GTF2A2: variants seen among roughly 807,000 people sequenced by gnomAD.
GTF2A2 encodes the protein transcription initiation factor IIA subunit 2.
GTF2A2 carries 9 observed loss-of-function variants against 14.3 expected under a neutral mutation model. The observed-to-expected ratio is 0.63, with a 90% confidence interval of 0.38 to 1.10. The LOEUF (loss-of-function observed/expected upper bound fraction) is 1.10, where lower values mean the gene tolerates loss of function less well. GTF2A2 is among the 50% of genes least tolerant of loss of function. The probability of loss-of-function intolerance (pLI) is 0.01; values close to 1 mark genes in which losing one functional copy is unlikely to be tolerated. For missense variants in GTF2A2, 90 were observed against 124.6 expected, an observed-to-expected ratio of 0.72 and a Z score of 1.32; for synonymous variants, 56 against 46.0, an observed-to-expected ratio of 1.22 and a Z score of -0.88.
At chr15:59,642,072 T>C in intron 4 of GTF2A2, 64 bp downstream of exon 4, 1 of 1,459,788 alleles carries the variant, frequency 6.9e-7, no homozygotes, top group South Asian at 1.3e-5. Flanking sequence ...TGGATGCAGA[T>C]CTTCTAAAGG....
At chr15:59,644,858 G>C (rs1891550619) in intron 3 of GTF2A2, among the ~76,000 whole-genome samples, 1 of 152,164 alleles carries the variant, frequency 6.6e-6, no homozygotes, top group Non-Finnish European at 1.5e-5. Flanking sequence ...TAACGGTACT[G>C]GGAAGTCAGT....
In GTF2A2 at chr15:59,639,083, A is replaced by G. The variant is rs1217114483; in HGVS notation, c.*49T>C. 2.8e-6 allele frequency: 3 copies of G among 1,083,794 alleles called. No individual in the cohort carries two copies. In the South Asian group the frequency reaches 3.8e-5, roughly 14 times the overall value. 67.1% of individuals were successfully genotyped at this position (1,083,794 alleles called of 1,614,324 possible). A position where few individuals can be genotyped will look rare whatever the true frequency, so the allele number is the denominator to read the frequency against. ...AAAGTCTCTTCTATGCTTCTCTTCA[A>G]AAGCAATGAATAACAGAAGATGGTG... On this transcript the variant is annotated 3_prime_UTR_variant, in exon 5 of 5. Transcript: ENST00000396060.
chr15:59,650,759 G>C lies in GTF2A2; in HGVS notation c.87C>G (p.Thr29=), dbSNP rs558190248. ...LDELIQSQQI[T]PQLALQVLLQ... ...GTAGAACTTGAAGGGCAAGTTGGGG[G>C]GTGATCTGTTGAGACTGAGAAAAGG... Residue 29 remains threonine (T), a synonymous_variant, in exon 3 of 5, where the codon ACC becomes ACG. Coordinates refer to ENST00000396060, the MANE Select transcript of GTF2A2 (RefSeq NM_004492.3). 1 of 1,599,778 alleles carries C rather than the reference G, an allele frequency of 6.3e-7. No homozygotes were observed. The highest frequency in any genetic ancestry group is 1.7e-5 in the Admixed American group (1 of 59,988).
At position 59,639,813 on chromosome 15, in the gene GTF2A2, C is replaced by T. The variant is rs964402824; in HGVS notation, c.305-656G>A. On this transcript the variant is annotated intron_variant, in intron 4 of 4. Transcript: ENST00000396060. Reference sequence around the variant, plus strand: ...TTGCCCAGGCTGGAGTGCAGTAGCGCAATCTCAGCTCACTGCAATCTCCAC... The same window carrying T: ...TTGCCCAGGCTGGAGTGCAGTAGCGTAATCTCAGCTCACTGCAATCTCCAC... Among the ~76,000 whole-genome samples, 3 of 152,056 alleles carry T rather than the reference C, an allele frequency of 2.0e-5. No homozygotes were observed. In the South Asian group the frequency reaches 6.2e-4, roughly 32 times the overall value.
At chr15:59,643,057 C>T (rs550807226) in intron 3 of GTF2A2, among the ~76,000 whole-genome samples, 8 of 147,962 alleles carry the variant, frequency 5.4e-5, no homozygotes, top group African/African-American at 1.0e-4. Context: ...TGAACCACCG[C>T]GCCTGGCCTA....
At chr15:59,652,945 G>A (rs1357206826) in intron 1 of GTF2A2, 1 of 152,150 alleles carries the variant, frequency 6.6e-6, no homozygotes, top group Non-Finnish European at 1.5e-5. Flanking sequence ...CTAGACTTTA[G>A]CCAAGCAGAG....
In GTF2A2 at chr15:59,655,627, G is replaced by A. The variant is rs1247171009; in HGVS notation, c.-50+1779C>T. ...AGTCCTTAGGCCTCTGCTGCTTTCC[G>A]TCTACACCCATTCCTTACGGATAAC... On this transcript the variant is annotated intron_variant, in intron 1 of 4. Transcript: ENST00000396060. Among the ~76,000 whole-genome samples, 3 of 151,910 alleles carry A rather than the reference G, an allele frequency of 2.0e-5. No homozygotes were observed. In the East Asian group the frequency reaches 5.8e-4, roughly 29 times the overall value.
rs74019657 is a variant in GTF2A2, at chr15:59,654,536, G to A, written c.-49-2210C>T. On this transcript the variant is annotated intron_variant, in intron 1 of 4. Coordinates refer to ENST00000396060, the MANE Select transcript of GTF2A2 (RefSeq NM_004492.3). ...CAATAACTGAAGCTAACATATATAT[G>A]CTTATTCTGTCTCCATCTACTAAAA... 3.8e-3 allele frequency among the ~76,000 whole-genome samples: 581 copies of A among 152,188 alleles called. 1 individual carries two copies. Among genetic ancestry groups the A allele is most frequent in the African/African-American group, 0.014 (567 of 41,522 alleles).
In GTF2A2 at chr15:59,645,174, A is replaced by G. The variant is rs1480516987; in HGVS notation, c.178-2912T>C. On this transcript the variant is annotated intron_variant, in intron 3 of 4. Transcript: ENST00000396060. ...CTTGAATGTCAATGCATTCACAGAA[A>G]AAGCTGGTTGGGGAGTAAAGTTAAA... 5.3e-5 allele frequency among the ~76,000 whole-genome samples: 8 copies of G among 152,332 alleles called. No individual in the cohort carries two copies. The East Asian group carries it at 1.5e-3, about 29-fold the overall frequency.
chr15:59,647,446 A>T lies in GTF2A2; in HGVS notation c.177+3223T>A, dbSNP rs1891642081. ...TTTAGATTTATTCTTTAAATTCAAA[A>T]AGTTTCTTCTATAAGATATTTAGCT... On this transcript the variant is annotated intron_variant, in intron 3 of 4. Coordinates refer to ENST00000396060, the MANE Select transcript of GTF2A2 (RefSeq NM_004492.3). Among the ~76,000 whole-genome samples the T allele has an allele frequency of 2.0e-5, 3 of 152,118 alleles. No homozygotes were observed. The South Asian group carries it at 6.2e-4, about 32-fold the overall frequency.
At chr15:59,639,893 G>T (rs796088702) in intron 4 of GTF2A2, among the ~76,000 whole-genome samples, 6 of 152,220 alleles carry the variant, frequency 3.9e-5, no homozygotes, top group African/African-American at 9.6e-5. Context: ...TGGGATTACA[G>T]GCGGGTACCA....
chr15:59,646,887 T>G, intron 3 of GTF2A2, among the ~76,000 whole-genome samples: 1 of 152,054 alleles, frequency 6.6e-6, no homozygotes, highest in East Asian at 1.9e-4. Context: ...TAAGCTTTTC[T>G]GTATATAATT....
intron 3 of GTF2A2, among the ~76,000 whole-genome samples, chr15:59,647,562 T>C (rs1379889190): frequency 6.6e-6 from 1 of 152,180 alleles, no homozygotes; most frequent in East Asian, 1.9e-4. Context: ...TTTACATGTA[T>C]CCACAATGGG....
At chr15:59,642,993 T>C (rs546895208) in intron 3 of GTF2A2, among the ~76,000 whole-genome samples, 6 of 151,872 alleles carry the variant, frequency 4.0e-5, no homozygotes, top group Admixed American at 2.0e-4. Context: ...TCTCGAACTC[T>C]GACCTCAGGT....
intron 1 of GTF2A2, among the ~76,000 whole-genome samples, chr15:59,653,925 ATC>A (rs1414718787): frequency 1.3e-5 from 2 of 152,106 alleles, no homozygotes; most frequent in Non-Finnish European, 2.9e-5. Context: ...CTGGCATCCA[ATC>A]CATCAGCCAA....
At position 59,638,965 on chromosome 15, in the gene GTF2A2, T is replaced by G. The variant is rs1405135233; in HGVS notation, c.*167A>C. The stretch of plus-strand genomic sequence containing the variant: ...GGTTTTTCATGCTGTATAATAAAGG[T>G]GATGTAAGAGGCTACAGAGTTACAA... On this transcript the variant is annotated 3_prime_UTR_variant, in exon 5 of 5. Coordinates refer to ENST00000396060, the MANE Select transcript of GTF2A2 (RefSeq NM_004492.3). 1.7e-6 allele frequency: 1 copy of G among 598,356 alleles called. No individual in the cohort carries two copies. The highest frequency in any genetic ancestry group is 3.0e-6 in the Non-Finnish European group (1 of 328,022). The allele number at this position is 598,356 out of a possible 1,614,324, so 37.1% of individuals were successfully genotyped here. A position where few individuals can be genotyped will look rare whatever the true frequency, so the allele number is the denominator to read the frequency against.
intron 3 of GTF2A2, among the ~76,000 whole-genome samples, chr15:59,646,645 A>T (rs1291223996): frequency 2.0e-5 from 3 of 152,210 alleles, no homozygotes; most frequent in Non-Finnish European, 1.5e-5. Flanking sequence ...TTGCAGTATA[A>T]ATGTATATGC....
rs746445068 is a variant in GTF2A2, at chr15:59,639,141, A to C, written c.321T>G (p.Thr107=). The change falls in exon 5 of 5, where the codon ACT becomes ACG. Residue 107 remains threonine, a synonymous_variant. Coordinates refer to ENST00000396060, the MANE Select transcript of GTF2A2 (RefSeq NM_004492.3). The part of the protein sequence containing the change: ...ACDGKNTGSN[T]TE ...GTCATATTTTTTCTATTCATTCTGT[A>C]GTATTGGAGCCAGTATCTAGGAAAC... The C allele has an allele frequency of 2.7e-6, 4 of 1,460,948 alleles. No individual in the cohort carries two copies. The South Asian group carries it at 4.6e-5, about 17-fold the overall frequency. 90.5% of individuals were successfully genotyped at this position (1,460,948 alleles called of 1,614,324 possible).
In GTF2A2 at chr15:59,639,076, C is replaced by T. The variant is rs868546079; in HGVS notation, c.*56G>A. 5 of 987,634 alleles carry T rather than the reference C, an allele frequency of 5.1e-6. No homozygotes were observed. The highest frequency in any genetic ancestry group is 2.4e-5 in the East Asian group (1 of 41,610). 61.2% of individuals were successfully genotyped at this position (987,634 alleles called of 1,614,324 possible). A position where few individuals can be genotyped will look rare whatever the true frequency, so the allele number is the denominator to read the frequency against. On this transcript the variant is annotated 3_prime_UTR_variant, in exon 5 of 5. Coordinates refer to ENST00000396060, the MANE Select transcript of GTF2A2 (RefSeq NM_004492.3). Reference sequence around the variant, plus strand: ...TAAATAAAAAGTCTCTTCTATGCTTCTCTTCAAAAGCAATGAATAACAGAA... The same window carrying T: ...TAAATAAAAAGTCTCTTCTATGCTTTTCTTCAAAAGCAATGAATAACAGAA...
Sources: gnomAD v4.1 joint callset for allele counts (sites outside exome capture counted in the v4.1 genomes callset) on GRCh38, gnomAD v4.1.1 for gene constraint, MANE v1.5 for transcripts, NCBI Gene and HGNC (gene_info 2026-07-23, HGNC 2026-07-21) for gene names.